Variants in NOMO2 observed in about 807,000 individuals in gnomAD.
NOMO2 encodes NODAL modulator 2.
In NOMO2, 14 loss-of-function variants were observed where a neutral mutation model predicts 67.1. The ratio of observed to expected loss-of-function variants is 0.21; its 90% CI spans 0.14 to 0.33. The LOEUF (loss-of-function observed/expected upper bound fraction) is 0.33, where lower values mean the gene tolerates loss of function less well. NOMO2 is among the 10% of genes least tolerant of loss of function. NOMO2 has a pLI of 1.00. For synonymous variants in NOMO2, 80 were observed against 305.9 expected, an observed-to-expected ratio of 0.26 and a Z score of 7.71; for missense variants, 178 against 761.0, an observed-to-expected ratio of 0.23 and a Z score of 9.01.
At chr16:18,550,511 C>T (rs1308640246) in intron 4 of NOMO2, among the ~76,000 whole-genome samples, 1 of 151,580 alleles carries the variant, frequency 6.6e-6, no homozygotes, top group East Asian at 1.9e-4. Flanking sequence ...TCCCCGTCAC[C>T]GCAAAGGTAG....
chr16:18,528,556 A>C (rs1005343644), intron 15 of NOMO2, among the ~76,000 whole-genome samples: 7 of 151,912 alleles, frequency 4.6e-5, no homozygotes, highest in Non-Finnish European at 1.0e-4. Context: ...GGATCTACAG[A>C]GGTGCTCCTG....
chr16:18,558,102 A>C (rs1901953126), intron 1 of NOMO2, among the ~76,000 whole-genome samples: 2 of 149,598 alleles, frequency 1.3e-5, no homozygotes, highest in South Asian at 4.3e-4. Flanking sequence ...ACAAATTTGC[A>C]AACTTTGCCA....
At chr16:18,560,843 C>G (rs1434553643) in intron 1 of NOMO2, among the ~76,000 whole-genome samples, 1 of 151,504 alleles carries the variant, frequency 6.6e-6, no homozygotes, top group East Asian at 2.0e-4. Context: ...CTTCACCCTT[C>G]ACTGCCAGCC....
chr16:18,547,783 G>T (rs1168487218), intron 5 of NOMO2, among the ~76,000 whole-genome samples: 1 of 151,472 alleles, frequency 6.6e-6, no homozygotes, highest in Admixed American at 6.6e-5. Context: ...CACAGGGCAG[G>T]GTAAACTATG....
rs1901775773 is a variant in NOMO2, at chr16:18,551,086, A to G, written c.402+353T>C. The stretch of plus-strand genomic sequence containing the variant: ...AGGAGCGGGAGGGTGAGGCAGGAGA[A>G]TCACTTGAACCTGGGAGGTGGAGGC... On this transcript the variant is annotated intron_variant, in intron 4 of 30. Transcript: ENST00000622306. Among the ~76,000 whole-genome samples the G allele has an allele frequency of 2.0e-5, 3 of 151,772 alleles. No individual in the cohort carries two copies. The South Asian group carries it at 6.3e-4, about 32-fold the overall frequency.
intron 3 of NOMO2, among the ~76,000 whole-genome samples, chr16:18,552,929 CAA>C (rs1901821921): frequency 6.6e-6 from 1 of 151,978 alleles, no homozygotes; most frequent in Admixed American, 6.6e-5. Context: ...GTAAGCAACT[CAA>C]ATGGCCATCA....
At chr16:18,531,260 C>T (rs1596846706) in intron 13 of NOMO2, 92 bp from the exon 14 acceptor site, 1 of 707,822 alleles carries the variant, frequency 1.4e-6, no homozygotes, top group Non-Finnish European at 2.4e-6. Flanking sequence ...CTTCTTGCTA[C>T]TGCTGAGCTC....
At chr16:18,531,329 T>G in intron 13 of NOMO2, 137 bp downstream of exon 13, 1 of 1,356,176 alleles carries the variant, frequency 7.4e-7, no homozygotes. Context: ...ATGCACCCAC[T>G]TGACTCCAAG....
intron 5 of NOMO2, among the ~76,000 whole-genome samples, chr16:18,548,706 C>A (rs1359559768): frequency 6.6e-6 from 1 of 151,972 alleles, no homozygotes; most frequent in African/African-American, 2.4e-5. Context: ...ATATGCCAGG[C>A]AGCTTGAAGT....
chr16:18,539,930 T>C (rs1434391120), intron 9 of NOMO2, among the ~76,000 whole-genome samples: 1 of 151,956 alleles, frequency 6.6e-6, no homozygotes, highest in Non-Finnish European at 1.5e-5. Flanking sequence ...ATCCCCAAGG[T>C]CACCACTGCT....
At chr16:18,558,802 C>G (rs779926716) in intron 1 of NOMO2, 9 of 454,894 alleles carry the variant, frequency 2.0e-5, no homozygotes, top group African/African-American at 1.8e-4. Context: ...GACACAGAGC[C>G]GCTCCTTTTC....
At chr16:18,557,613 T>C in intron 2 of NOMO2, 89 bp downstream of exon 2, 1 of 1,608,228 alleles carries the variant, frequency 6.2e-7, no homozygotes, top group Non-Finnish European at 8.5e-7. Flanking sequence ...AGATGAGCAT[T>C]TGCTAGTGTA....
chr16:18,554,185 T>C, intron 3 of NOMO2, among the ~76,000 whole-genome samples: 1 of 152,048 alleles, frequency 6.6e-6, no homozygotes, highest in Non-Finnish European at 1.5e-5. Flanking sequence ...TGTTTCTGAA[T>C]ACTGAGTACT....
At chr16:18,528,429 T>G (rs1345361160) in intron 15 of NOMO2, among the ~76,000 whole-genome samples, 1 of 151,712 alleles carries the variant, frequency 6.6e-6, no homozygotes, top group Non-Finnish European at 1.5e-5. Flanking sequence ...GTTAGGGGAG[T>G]AAGTTGGCAC....
chr16:18,538,586 T>C lies in NOMO2; in HGVS notation c.1160A>G (p.Glu387Gly). The C allele has an allele frequency of 6.2e-7, 1 of 1,613,272 alleles. No individual in the cohort carries two copies. Among genetic ancestry groups the C allele is most frequent in the Non-Finnish European group, 8.5e-7 (1 of 1,179,642 alleles). The change falls in exon 11 of 31, where the codon GAA (glutamate) becomes GGA (glycine). Residue 387 changes from glutamate (E) to glycine (G), a missense_variant. Physicochemically the swap from Glu to Gly is moderately conservative, Grantham distance 98 (BLOSUM62 -2). Coordinates refer to ENST00000622306, the MANE Select transcript of NOMO2 (RefSeq NM_173614.4). ...IHAQKEHLYFETVTIKIAPNT... is the reference protein window; with the variant it reads ...IHAQKEHLYFGTVTIKIAPNT... ...CGGTGCAATTTTGATGGTGACCGTT[T>C]CAAAGTAGAGGTGCTCTTTCTGAGC...
intron 16 of NOMO2, among the ~76,000 whole-genome samples, chr16:18,527,038 G>A (rs1316280335): frequency 7.0e-6 from 1 of 143,632 alleles, no homozygotes; most frequent in African/African-American, 2.5e-5. Context: ...ACAATGTGGT[G>A]AAACCCATCC....
At chr16:18,528,902 A>G (rs894778594) in intron 15 of NOMO2, among the ~76,000 whole-genome samples, 1 of 138,648 alleles carries the variant, frequency 7.2e-6, no homozygotes, top group Non-Finnish European at 1.6e-5. Context: ...CGGGAGGCGG[A>G]GGTTTCAGTG....
chr16:18,560,202 T>C (rs1902006486), intron 1 of NOMO2, among the ~76,000 whole-genome samples: 1 of 151,970 alleles, frequency 6.6e-6, no homozygotes, highest in Non-Finnish European at 1.5e-5. Context: ...AGATGGCCAG[T>C]ATGAAATGTC....
At chr16:18,560,706 C>T (rs1902018575) in intron 1 of NOMO2, among the ~76,000 whole-genome samples, 1 of 151,746 alleles carries the variant, frequency 6.6e-6, no homozygotes, top group African/African-American at 2.4e-5. Flanking sequence ...TGTTTCTCTC[C>T]CAACACCATC....
Sources: allele counts gnomAD v4.1 joint callset (sites outside exome capture counted in the v4.1 genomes callset), GRCh38; gene constraint gnomAD v4.1.1; transcripts MANE v1.5; gene names NCBI Gene and HGNC (gene_info 2026-07-23, HGNC 2026-07-21).